BAP1: variants seen among roughly 807,000 people sequenced by gnomAD.
BAP1 encodes the protein ubiquitin carboxyl-terminal hydrolase BAP1.
In BAP1, 16 loss-of-function variants were observed where a neutral mutation model predicts 77.2. The ratio of observed to expected loss-of-function variants is 0.21; its 90% CI spans 0.14 to 0.31. The LOEUF (loss-of-function observed/expected upper bound fraction) is 0.31. Among genes scored for constraint, BAP1 ranks in the 10% least tolerant of loss-of-function variants. The probability of loss-of-function intolerance (pLI) is 1.00; values close to 1 mark genes in which losing one functional copy is unlikely to be tolerated. For missense variants in BAP1, 699 were observed against 967.3 expected (o/e 0.72, Z 3.68); for synonymous variants, 362 against 385.2 (o/e 0.94, Z 0.71).
At chr3:52,407,499 T>A (rs1705205738) in intron 5 of BAP1, 39 bp from the exon 6 acceptor site, 1 of 1,613,580 alleles carries the variant, frequency 6.2e-7, no homozygotes, top group Non-Finnish European at 8.5e-7. Flanking sequence ...GAATAATTTC[T>A]CCTCAGGTAG....
At position 52,408,039 on chromosome 3, in the gene BAP1, G is replaced by A. The variant is rs140641333; in HGVS notation, c.294C>T (p.Ser98=). Residue 98 remains serine, a synonymous_variant, in exon 5 of 17, where the codon AGC becomes AGT. Transcript: ENST00000460680. ...PNSCATHALL[S]VLLNCSSVDL... ...CCACGCTGCTGCAGTTCAGGAGCAC[G>A]CTCAGCAAGGCATGAGTTGCACAAG... 951 of 1,612,748 alleles carry A rather than the reference G, an allele frequency of 5.9e-4. 1 individual carries two copies. Among genetic ancestry groups the A allele is most frequent in the Non-Finnish European group, 7.6e-4 (894 of 1,179,410 alleles).
At position 52,405,918 on chromosome 3, in the gene BAP1, A is replaced by G. The variant is rs2153227294; in HGVS notation, c.784-6T>C. The G allele has an allele frequency of 1.2e-6, 2 of 1,614,032 alleles. No homozygotes were observed. Among genetic ancestry groups the G allele is most frequent in the South Asian group, 2.2e-5 (2 of 91,078 alleles). On this transcript the variant is annotated splice_region_variant and splice_polypyrimidine_tract_variant and intron_variant, in intron 9 of 16. Coordinates refer to ENST00000460680, the MANE Select transcript of BAP1 (RefSeq NM_004656.4). ...GGCTGTGTTACTCTTATCAGCTAAC[A>G]ACAGAATCCAGGGCTCAGAGGAGAA...
chr3:52,403,089 G>T lies in BAP1; in HGVS notation c.1890+49C>A, dbSNP rs747679673. The T allele has an allele frequency of 1.2e-6, 2 of 1,606,382 alleles. No individual in the cohort carries two copies. Among genetic ancestry groups the T allele is most frequent in the Admixed American group, 1.7e-5 (1 of 60,000 alleles). ...TGGCACCTGGGCAGGAGGAGCTCAG[G>T]CCTTACCCTCTGCCAGGATTAAAGG... is the stretch of plus-strand genomic sequence containing the variant. On this transcript the variant is annotated intron_variant, in intron 14 of 16. Coordinates refer to ENST00000460680, the MANE Select transcript of BAP1 (RefSeq NM_004656.4). The surrounding 1 kb of genome is among the most constrained non-coding windows in gnomAD (Gnocchi z 4.0).
In BAP1 at chr3:52,401,022, C is replaced by A. The variant is rs1704935213; in HGVS notation, c.*1266G>T. On this transcript the variant is annotated 3_prime_UTR_variant, in exon 17 of 17. Transcript: ENST00000460680. The stretch of plus-strand genomic sequence containing the variant: ...AGGAGGGTTCATTTCTCAGGAGATT[C>A]TTAGGAGAGTTTTATTCATTCATTG... 1 of 227,040 alleles carries A rather than the reference C, an allele frequency of 4.4e-6. No individual in the cohort carries two copies. The highest frequency in any genetic ancestry group is 1.7e-4 in the South Asian group (1 of 5,760). 14.1% of individuals were successfully genotyped at this position (227,040 alleles called of 1,614,324 possible).
rs762653047 is a variant in BAP1, at chr3:52,403,323, T to C, written c.1730-25A>G. ...TCTGGGAAGAGAGGTCACAAGAAAA[T>C]CATCAGAGTGCAGGACACTTTGTGG... On this transcript the variant is annotated intron_variant, in intron 13 of 16. Coordinates refer to ENST00000460680, the MANE Select transcript of BAP1 (RefSeq NM_004656.4). The surrounding 1 kb of genome is among the most constrained non-coding windows in gnomAD (Gnocchi z 4.0). The C allele has an allele frequency of 2.5e-6, 4 of 1,613,058 alleles. No individual in the cohort carries two copies. Among genetic ancestry groups the C allele is most frequent in the Middle Eastern group, 1.6e-4 (1 of 6,062 alleles).
chr3:52,409,409 G>T, intron 3 of BAP1, 145 bp downstream of exon 3: 1 of 1,089,304 alleles, frequency 9.2e-7, no homozygotes, highest in Non-Finnish European at 1.4e-6. Flanking sequence ...GATCAGGAGC[G>T]GGCACTCAGA....
In BAP1 at chr3:52,405,138, T is replaced by C. The variant is rs2153227007; in HGVS notation, c.1088A>G (p.Asn363Ser). Reference protein sequence around the residue: ...IVQRLPAFLDNHNYAKSPMQE... With the variant: ...IVQRLPAFLDSHNYAKSPMQE... ...CATGGGGGACTTGGCATAATTGTGA[T>C]TGTCTAGAAAGGCCGGCAGCCGCTG... The change falls in exon 11 of 17, where the codon AAT becomes AGT. Residue 363 changes from asparagine (N) to serine (S), a missense_variant. Asn to Ser is a conservative substitution (Grantham distance 46). Transcript: ENST00000460680. The C allele has an allele frequency of 6.2e-7, 1 of 1,614,132 alleles. No homozygotes were observed. Among genetic ancestry groups the C allele is most frequent in the South Asian group, 1.1e-5 (1 of 91,084 alleles).
chr3:52,407,012 G>A (rs1274823844), intron 7 of BAP1, 105 bp from the exon 8 acceptor site: 3 of 1,489,604 alleles, frequency 2.0e-6, no homozygotes, highest in African/African-American at 2.8e-5. Context: ...AGGGAATCAG[G>A]AGCTGGTCGG....
In BAP1 at chr3:52,406,558, G is replaced by T; in HGVS notation, c.660-182C>A. On this transcript the variant is annotated intron_variant, in intron 8 of 16. Transcript: ENST00000460680. The surrounding 1 kb of genome is among the most constrained non-coding windows in gnomAD (Gnocchi z 4.6). ...CACCTGAGCTGGTACCTTCCAACAAGCTGTATGAGGGGCCTATCTGGAAGT... is the reference window on the plus strand; with the variant it reads ...CACCTGAGCTGGTACCTTCCAACAATCTGTATGAGGGGCCTATCTGGAAGT... 1.0e-6 allele frequency: 1 copy of T among 1,003,984 alleles called. No individual in the cohort carries two copies. The highest frequency in any genetic ancestry group is 1.5e-6 in the Non-Finnish European group (1 of 674,236). 62.2% of individuals were successfully genotyped at this position (1,003,984 alleles called of 1,614,324 possible). A position where few individuals can be genotyped will look rare whatever the true frequency, so the allele number is the denominator to read the frequency against.
In BAP1 at chr3:52,403,250, T is replaced by C. The variant is rs1553644733; in HGVS notation, c.1778A>G (p.Gln593Arg). 3 of 1,614,166 alleles carry C rather than the reference T, an allele frequency of 1.9e-6. No individual in the cohort carries two copies. The highest frequency in any genetic ancestry group is 2.5e-6 in the Non-Finnish European group (3 of 1,180,028). ...CTTCTCCACTGGGCTGCTGGACCCCTGGCTGCCTTGGATTGGTCTGATGGA... is the reference window on the plus strand; with the variant it reads ...CTTCTCCACTGGGCTGCTGGACCCCCGGCTGCCTTGGATTGGTCTGATGGA... Reference protein sequence around the residue: ...SPSIRPIQGSQGSSSPVEKEV... With the variant: ...SPSIRPIQGSRGSSSPVEKEV... The change falls in exon 14 of 17, where the codon CAG (glutamine) becomes CGG (arginine). Residue 593 changes from glutamine to arginine, a missense_variant. Physicochemically the swap from Gln to Arg is conservative, Grantham distance 43. Around this residue, in one of 3 missense-constraint regions of BAP1, gnomAD observed 475 missense variants for 532.4 expected, o/e 0.89. Coordinates refer to ENST00000460680, the MANE Select transcript of BAP1 (RefSeq NM_004656.4). This position sits in a 1 kb window ranked among gnomAD's most constrained non-coding sequence, Gnocchi z 4.0.
At chr3:52,405,446 G>A (rs764697336) in intron 10 of BAP1, 152 bp from the exon 11 acceptor site, 5 of 489,100 alleles carry the variant, frequency 1.0e-5, no homozygotes, top group South Asian at 5.4e-5. Context: ...TCATGATCCC[G>A]CAATGAGACA....
chr3:52,402,928 G>A lies in BAP1; in HGVS notation c.1891-57C>T, dbSNP rs531046526. The A allele has an allele frequency of 9.3e-6, 15 of 1,612,586 alleles. No homozygotes were observed. Among genetic ancestry groups the A allele is most frequent in the Middle Eastern group, 1.6e-4 (1 of 6,062 alleles). On this transcript the variant is annotated intron_variant, in intron 14 of 16. Transcript: ENST00000460680. This position sits in a 1 kb window ranked among gnomAD's most constrained non-coding sequence, Gnocchi z 5.3. ...GGGCGGGCCAGCAACAAAGCCCCACGAGCAATAGGCAGCTAGAGGCAAGGA... is the reference window on the plus strand; with the variant it reads ...GGGCGGGCCAGCAACAAAGCCCCACAAGCAATAGGCAGCTAGAGGCAAGGA...
At chr3:52,409,185 C>CTTTGTG (rs1487844317) in intron 3 of BAP1, among the ~76,000 whole-genome samples, 1 of 152,252 alleles carries the variant, frequency 6.6e-6, no homozygotes, top group East Asian at 1.9e-4. Flanking sequence ...CCAATCAATA[C>CTTTGTG]AGGATGACTT....
In BAP1 at chr3:52,406,417, G is replaced by A. The variant is rs547409090; in HGVS notation, c.660-41C>T. The A allele has an allele frequency of 7.1e-5, 115 of 1,609,432 alleles. 1 individual carries two copies. The South Asian group carries it at 8.0e-4, about 11-fold the overall frequency. ...CAGCCGTGAGAGCAGCTCCCGCCCC[G>A]GCCCCGCCATCAGGTTGAGGCAGAT... On this transcript the variant is annotated intron_variant, in intron 8 of 16. Transcript: ENST00000460680. The surrounding 1 kb of genome is among the most constrained non-coding windows in gnomAD (Gnocchi z 4.6).
chr3:52,406,764 T>A lies in BAP1; in HGVS notation c.659+65A>T. The stretch of plus-strand genomic sequence containing the variant: ...TGCAATTTACAAATCACCTGGATAC[T>A]CTCTGTCCCTCCCAAAGTAGGTACA... On this transcript the variant is annotated intron_variant, in intron 8 of 16. Coordinates refer to ENST00000460680, the MANE Select transcript of BAP1 (RefSeq NM_004656.4). The surrounding 1 kb of genome is among the most constrained non-coding windows in gnomAD (Gnocchi z 4.6). 1 of 1,509,590 alleles carries A rather than the reference T, an allele frequency of 6.6e-7. No individual in the cohort carries two copies. Among genetic ancestry groups the A allele is most frequent in the South Asian group, 1.2e-5 (1 of 83,194 alleles). The allele number at this position is 1,509,590 out of a possible 1,614,324, so 93.5% of individuals were successfully genotyped here. A position where few individuals can be genotyped will look rare whatever the true frequency, so the allele number is the denominator to read the frequency against.
intron 4 of BAP1, among the ~76,000 whole-genome samples, 179 bp downstream of exon 4, chr3:52,408,295 C>T (rs2153228205): frequency 6.6e-6 from 1 of 152,212 alleles, no homozygotes; most frequent in East Asian, 1.9e-4. Flanking sequence ...AGACACCCTC[C>T]TACTCTAAAG....
rs769974242 is a variant in BAP1, at chr3:52,408,464, TC to T, written c.255+9del. 2.5e-5 allele frequency: 41 copies of T among 1,609,820 alleles called. No individual in the cohort carries two copies. Among genetic ancestry groups the T allele is most frequent in the Non-Finnish European group, 3.5e-5 (41 of 1,178,162 alleles). On this transcript the variant is annotated intron_variant, in intron 4 of 16. Coordinates refer to ENST00000460680, the MANE Select transcript of BAP1 (RefSeq NM_004656.4). ...CCCACCCTCCAAACAAAGCACAGAG[TC>T]CAGCAGACCTGGTGGGCAAAGAACA...
Position 52,402,575 on chromosome 3 carries a change from A to G in BAP1, c.2056+27T>C, listed in dbSNP as rs1024589391. ...GACACGGCCCTCAGCAGGGCATTCC[A>G]GTTAAGACAGCAGCGCATCCCCTCA... On this transcript the variant is annotated intron_variant, in intron 16 of 16. Transcript: ENST00000460680. This position sits in a 1 kb window ranked among gnomAD's most constrained non-coding sequence, Gnocchi z 5.3. The G allele has an allele frequency of 1.2e-6, 2 of 1,613,676 alleles. No individual in the cohort carries two copies. Among genetic ancestry groups the G allele is most frequent in the Non-Finnish European group, 1.7e-6 (2 of 1,179,728 alleles).
Position 52,404,498 on chromosome 3 carries a change from TCATA to T in BAP1, c.1201_1204del (p.Tyr401ArgfsTer28). 6.2e-7 allele frequency: 1 copy of T among 1,614,150 alleles called. No individual in the cohort carries two copies. On this transcript the variant is annotated frameshift_variant, in exon 12 of 17. Transcript: ENST00000460680. LOFTEE classifies it high-confidence loss of function. The stretch of plus-strand genomic sequence containing the variant: ...CTGCACGTCATCCTCCTCGTCATCC[TCATA>T]GTCATCCTCATCATCTGAGTACTGC...
Sources: gnomAD v4.1 joint callset for allele counts (sites outside exome capture counted in the v4.1 genomes callset) on GRCh38, gnomAD v4.1.1 for gene constraint, gnomAD v4.1.1 regional missense constraint, Gnocchi (gnomAD v3.1) non-coding constraint, MANE v1.5 for transcripts, NCBI Gene and HGNC (gene_info 2026-07-23, HGNC 2026-07-21) for gene names.